The following RAD51B variants were observed in gnomAD, a reference collection of about 807,000 sequenced individuals.
RAD51B encodes the protein DNA repair protein RAD51 homolog 2.
RAD51B carries 38 observed loss-of-function variants against 42.2 expected under a neutral mutation model. The observed-to-expected ratio is 0.90, with a 90% CI of 0.70 to 1.18. The LOEUF (loss-of-function observed/expected upper bound fraction) is 1.18, where lower values mean the gene tolerates loss of function less well. RAD51B is among the 50% of genes most tolerant of loss of function. The pLI is 0.00. For synonymous variants in RAD51B, 154 were observed against 145.2 expected, an observed-to-expected ratio of 1.06 and a Z score of -0.43; for missense variants, 373 against 400.7, an observed-to-expected ratio of 0.93 and a Z score of 0.59.
In RAD51B at chr14:67,957,632, G is replaced by A. The variant is rs1034171130; in HGVS notation, c.756+70428G>A. Among the ~76,000 whole-genome samples the A allele has an allele frequency of 5.9e-5, 9 of 152,276 alleles. No homozygotes were observed. In the East Asian group the frequency reaches 1.7e-3, roughly 29 times the overall value. On this transcript the variant is annotated intron_variant, in intron 7 of 10. Coordinates refer to ENST00000471583, the MANE Select transcript of RAD51B (RefSeq NM_133510.4). ...TAGTACCATTTATAACACTCGGATC[G>A]CTGTCTCCAGTCAGAAGTGAACACC...
intron 7 of RAD51B, among the ~76,000 whole-genome samples, chr14:67,937,381 G>A (rs2044993611): frequency 6.6e-6 from 1 of 152,184 alleles, no homozygotes; most frequent in Non-Finnish European, 1.5e-5. Context: ...TCTCAGGTAA[G>A]ATATACTGTT....
At chr14:68,307,139 C>T (rs939991446) in intron 8 of RAD51B, among the ~76,000 whole-genome samples, 2 of 151,828 alleles carry the variant, frequency 1.3e-5, no homozygotes, top group African/African-American at 4.8e-5. Context: ...GCACAGAGGG[C>T]GTTTATTGTA....
intron 7 of RAD51B, among the ~76,000 whole-genome samples, chr14:68,120,433 G>T (rs1415636100): frequency 6.6e-6 from 1 of 152,132 alleles, no homozygotes; most frequent in Non-Finnish European, 1.5e-5. Context: ...ATCACATTAG[G>T]CAGGTTTTAG....
At chr14:67,987,398 T>C (rs77077924) in intron 7 of RAD51B, among the ~76,000 whole-genome samples, 1,573 of 152,280 alleles carry the variant, frequency 0.01, 27 homozygotes, top group African/African-American at 0.036. Context: ...ATGAGTTCAA[T>C]TGTTTTGATT....
At position 68,182,544 on chromosome 14, in the gene RAD51B, G is replaced by A. The variant is rs1480091555; in HGVS notation, c.757-109340G>A. Among the ~76,000 whole-genome samples the A allele has an allele frequency of 7.9e-5, 12 of 152,312 alleles. No homozygotes were observed. In the East Asian group the frequency reaches 2.3e-3, roughly 29 times the overall value. ...AGGTCAGACCATCTGAAGTGAAGAT[G>A]GTTAAATTGTATGTGTTTGCACATG... On this transcript the variant is annotated intron_variant, in intron 7 of 10. Transcript: ENST00000471583.
intron 10 of RAD51B, among the ~76,000 whole-genome samples, chr14:68,646,552 A>G (rs1479179839): frequency 6.6e-6 from 1 of 152,208 alleles, no homozygotes; most frequent in Admixed American, 6.5e-5. Context: ...TTATTTGCCA[A>G]AGTAAAGGCA....
At chr14:68,087,524 T>C (rs1329075976) in intron 7 of RAD51B, among the ~76,000 whole-genome samples, 1 of 152,026 alleles carries the variant, frequency 6.6e-6, no homozygotes, top group Non-Finnish European at 1.5e-5. Flanking sequence ...TCTGTTCAAA[T>C]GTTAAAGGGT....
chr14:68,420,874 T>C (rs569261926), intron 9 of RAD51B, among the ~76,000 whole-genome samples: 1 of 152,360 alleles, frequency 6.6e-6, no homozygotes, highest in East Asian at 1.9e-4. Flanking sequence ...TTCAAATGCC[T>C]CTGACAGTTA....
At chr14:68,568,071 CAA>C (rs1889510303) in intron 10 of RAD51B, among the ~76,000 whole-genome samples, 1 of 152,160 alleles carries the variant, frequency 6.6e-6, no homozygotes, top group South Asian at 2.1e-4. Context: ...TGGTTCAGTT[CAA>C]ATCTTCAGGT....
downstream of RAD51B, among the ~76,000 whole-genome samples, chr14:68,597,957 G>A (rs1891071334): frequency 1.3e-5 from 2 of 152,000 alleles, no homozygotes; most frequent in African/African-American, 4.8e-5. Context: ...ACCCAACAGA[G>A]TAAATGAAGA....
At chr14:68,616,775 T>C (rs1280478503) in intron 10 of RAD51B, among the ~76,000 whole-genome samples, 1 of 152,150 alleles carries the variant, frequency 6.6e-6, no homozygotes, top group African/African-American at 2.4e-5. Flanking sequence ...GTTTTTTGTT[T>C]TGTTTTGTTT....
At chr14:68,148,721 G>A (rs915774736) in intron 7 of RAD51B, among the ~76,000 whole-genome samples, 1 of 152,168 alleles carries the variant, frequency 6.6e-6, no homozygotes, top group Non-Finnish European at 1.5e-5. Flanking sequence ...TGGTCAAAGG[G>A]TAAACAATCA....
chr14:68,326,031 TTCTTTTC>T (rs1210479759), intron 8 of RAD51B, among the ~76,000 whole-genome samples: 11 of 15,160 alleles, frequency 7.3e-4, no homozygotes, highest in African/African-American at 1.4e-3. Context: ...GTTATTCTTT[TTCTTTTC>T]TTTTTTTTTT....
At chr14:68,431,338 T>C (rs992411015) in intron 9 of RAD51B, among the ~76,000 whole-genome samples, 11 of 151,844 alleles carry the variant, frequency 7.2e-5, no homozygotes, top group African/African-American at 1.2e-4. Context: ...ACCAGCTCCT[T>C]CTTGTACCTC....
intron 7 of RAD51B, among the ~76,000 whole-genome samples, chr14:68,058,947 G>T (rs574762649): frequency 6.6e-6 from 1 of 152,222 alleles, no homozygotes; most frequent in East Asian, 1.9e-4. Context: ...TCATACAAGA[G>T]ACATCAAATA....
chr14:68,413,201 C>T (rs2084464000), intron 9 of RAD51B, among the ~76,000 whole-genome samples: 1 of 152,158 alleles, frequency 6.6e-6, no homozygotes, highest in Non-Finnish European at 1.5e-5. Context: ...CAGTCAGTGT[C>T]AACAGGAAGT....
At chr14:68,445,515 T>A (rs971460045) in intron 9 of RAD51B, among the ~76,000 whole-genome samples, 7 of 152,216 alleles carry the variant, frequency 4.6e-5, no homozygotes, top group African/African-American at 1.7e-4. Context: ...CCCCATTTTA[T>A]ACATGAAGAA....
intron 8 of RAD51B, among the ~76,000 whole-genome samples, chr14:68,376,063 G>A (rs2083363241): frequency 6.6e-6 from 1 of 152,080 alleles, no homozygotes; most frequent in Non-Finnish European, 1.5e-5. Context: ...GCACACCCAA[G>A]GCAAAGCTGT....
chr14:67,991,762 T>C (rs1024473776), intron 7 of RAD51B, among the ~76,000 whole-genome samples: 5 of 152,146 alleles, frequency 3.3e-5, no homozygotes, highest in East Asian at 1.9e-4. Flanking sequence ...GTCAAAATTA[T>C]TGGGTGATAT....
Sources: allele counts gnomAD v4.1 joint callset (sites outside exome capture counted in the v4.1 genomes callset), GRCh38; gene constraint gnomAD v4.1.1; transcripts MANE v1.5; gene names NCBI Gene and HGNC (gene_info 2026-07-23, HGNC 2026-07-21).